The following EIF2A variants were observed in gnomAD, a reference collection of about 807,000 sequenced individuals.
EIF2A encodes 65 kDa eukaryotic translation initiation factor 2A.
A neutral mutation model predicts 75.2 loss-of-function variants in EIF2A; 62 were observed. That is an observed-to-expected ratio of 0.82 (90% CI 0.67 to 1.02). EIF2A has a LOEUF of 1.02. Ranked by LOEUF, EIF2A falls within the 50% of genes least tolerant of loss-of-function variation. The pLI is 0.00. For missense variants in EIF2A, 611 were observed against 677.7 expected, an observed-to-expected ratio of 0.90 and a Z score of 1.09; for synonymous variants, 207 against 239.0, an observed-to-expected ratio of 0.87 and a Z score of 1.23.
chr3:150,567,504 A>G (rs1214968068), intron 6 of EIF2A, 189 bp from the exon 7 acceptor site: 3 of 503,568 alleles, frequency 6.0e-6, no homozygotes, highest in Non-Finnish European at 3.5e-6. Flanking sequence ...ACTGAGTAGA[A>G]ATTGAAGCCT....
chr3:150,562,625 A>T lies in EIF2A; in HGVS notation c.257A>T (p.Lys86Ile), dbSNP rs1723950098. ...LKAVCLEFSP[K>I]NTVLATWQPY... ...GCAGTTTGCCTTGAATTCTCACCCA[A>T]AAATACTGTCCTGGCAACGTGGCAG... is the stretch of plus-strand genomic sequence containing the variant. The change falls in exon 4 of 14, where the codon AAA (lysine) becomes ATA (isoleucine). Residue 86 changes from lysine (K) to isoleucine (I), a missense_variant. Transcript: ENST00000460851. 7 of 1,613,480 alleles carry T rather than the reference A, an allele frequency of 4.3e-6. No homozygotes were observed. Among genetic ancestry groups the T allele is most frequent in the Non-Finnish European group, 5.9e-6 (7 of 1,179,612 alleles).
chr3:150,557,002 G>A (rs1723602853), intron 2 of EIF2A, among the ~76,000 whole-genome samples: 1 of 152,122 alleles, frequency 6.6e-6, no homozygotes. Flanking sequence ...AAGTCTTTGG[G>A]TTGCATGATG....
chr3:150,575,904 C>T (rs577740997), intron 11 of EIF2A, 142 bp downstream of exon 11: 13 of 636,400 alleles, frequency 2.0e-5, no homozygotes, highest in African/African-American at 7.6e-5. Flanking sequence ...GACTGGCCAA[C>T]GTGGTGAAAC....
At chr3:150,568,744 T>C (rs997064208) in intron 9 of EIF2A, among the ~76,000 whole-genome samples, 2 of 152,122 alleles carry the variant, frequency 1.3e-5, no homozygotes, top group African/African-American at 4.8e-5. Context: ...AGTGAGACCC[T>C]ACCTCTACAA....
intron 11 of EIF2A, among the ~76,000 whole-genome samples, chr3:150,580,321 G>A (rs1357028678): frequency 1.3e-5 from 2 of 152,064 alleles, no homozygotes; most frequent in Non-Finnish European, 2.9e-5. Context: ...AGATAGTACC[G>A]AACCCTATAG....
At position 150,556,053 on chromosome 3, in the gene EIF2A, T is replaced by C. The variant is rs370487159; in HGVS notation, c.99-2335T>C. Among the ~76,000 whole-genome samples, 47 of 152,310 alleles carry C rather than the reference T, an allele frequency of 3.1e-4. No individual in the cohort carries two copies. In the South Asian group the frequency reaches 9.5e-3, roughly 31 times the overall value. Reference sequence around the variant, plus strand: ...GAATCTGAGTGCCAGAGCTCCTCCATGTGCTGCCGCAGTGCATGGTGGAAG... The same window carrying C: ...GAATCTGAGTGCCAGAGCTCCTCCACGTGCTGCCGCAGTGCATGGTGGAAG... On this transcript the variant is annotated intron_variant, in intron 2 of 13. Transcript: ENST00000460851.
In EIF2A at chr3:150,585,899, A is replaced by T. The variant is rs140591420; in HGVS notation, c.*1988A>T. ...TTGGGCCATGTGAAGACATGGTGAG[A>T]AAGCAGCCAGCTGTAAGCCAGAGAG... On this transcript the variant is annotated 3_prime_UTR_variant, in exon 14 of 14. Transcript: ENST00000460851. Among the ~76,000 whole-genome samples the T allele has an allele frequency of 1.3e-5, 2 of 152,314 alleles. No individual in the cohort carries two copies. The highest frequency in any genetic ancestry group is 3.9e-4 in the East Asian group (2 of 5,180).
intron 1 of EIF2A, among the ~76,000 whole-genome samples, chr3:150,550,870 C>A (rs889875598): frequency 6.6e-6 from 1 of 151,868 alleles, no homozygotes; most frequent in Non-Finnish European, 1.5e-5. Context: ...GTTGCCCAGG[C>A]TGGTCTTGAA....
At chr3:150,552,278 T>A (rs1723354293) in intron 1 of EIF2A, 78 bp from the exon 2 acceptor site, 1 of 1,272,764 alleles carries the variant, frequency 7.9e-7, no homozygotes, top group Non-Finnish European at 1.1e-6. Context: ...CTAAAGCTGC[T>A]TTTTTAAAAA....
At chr3:150,571,609 TAAATAAATAAATAAAC>T (rs1395262291) in intron 9 of EIF2A, among the ~76,000 whole-genome samples, 2 of 152,096 alleles carry the variant, frequency 1.3e-5, no homozygotes, top group Non-Finnish European at 2.9e-5. Context: ...CCCATTTCTA[TAAATAAATAAATAAAC>T]AAATAAATAA....
chr3:150,557,607 C>A, intron 2 of EIF2A: 1 of 302,772 alleles, frequency 3.3e-6, no homozygotes, highest in Admixed American at 4.7e-5. Context: ...GCCATGTTGC[C>A]CAGCTGGTCT....
chr3:150,562,674 C>G lies in EIF2A; in HGVS notation c.292+14C>G. 6.3e-7 allele frequency: 1 copy of G among 1,592,682 alleles called. No homozygotes were observed. The highest frequency in any genetic ancestry group is 8.6e-7 in the Non-Finnish European group (1 of 1,163,676). ...AGCCTTACACTAGTAAGTATTTTCT[C>G]AGTGTAAAAATACTCTGACACGATC... On this transcript the variant is annotated intron_variant, in intron 4 of 13. Transcript: ENST00000460851.
chr3:150,564,324 A>C lies in EIF2A; in HGVS notation c.418A>C (p.Thr140Pro). 1 of 1,596,428 alleles carries C rather than the reference A, an allele frequency of 6.3e-7. No individual in the cohort carries two copies. Among genetic ancestry groups the C allele is most frequent in the African/African-American group, 1.4e-5 (1 of 73,832 alleles). The stretch of plus-strand genomic sequence containing the variant: ...GTGTCCATCCTGGTCAGAAGATGAA[A>C]CTCTTTGTGCCCGCAATGTTAACAA... ...NWCPSWSEDE[T>P]LCARNVNNEV... The change falls in exon 6 of 14, where the codon ACT (threonine) becomes CCT (proline). Residue 140 changes from threonine (T) to proline (P), a missense_variant. Thr to Pro is a conservative substitution (Grantham distance 38). Coordinates refer to ENST00000460851, the MANE Select transcript of EIF2A (RefSeq NM_032025.5).
chr3:150,548,547 G>A (rs1469940701), intron 1 of EIF2A, among the ~76,000 whole-genome samples: 1 of 152,138 alleles, frequency 6.6e-6, no homozygotes, highest in Non-Finnish European at 1.5e-5. Flanking sequence ...GGGCCGGACT[G>A]GTACTGGGCA....
chr3:150,551,567 CAA>C (rs11430778), intron 1 of EIF2A, among the ~76,000 whole-genome samples: 1 of 142,164 alleles, frequency 7.0e-6, no homozygotes. Context: ...TCTGTCTCTA[CAA>C]AAAAAAAAAA....
At chr3:150,573,293 T>C (rs987800232) in intron 10 of EIF2A, among the ~76,000 whole-genome samples, 1 of 152,152 alleles carries the variant, frequency 6.6e-6, no homozygotes, top group Non-Finnish European at 1.5e-5. Context: ...CACTCTGTCA[T>C]CGAGGCTGGA....
chr3:150,561,978 C>T (rs1001506455), intron 3 of EIF2A, among the ~76,000 whole-genome samples: 99 of 151,818 alleles, frequency 6.5e-4, no homozygotes, highest in African/African-American at 2.2e-3. Context: ...AGGCTGGTCT[C>T]GAACTCCCGA....
intron 11 of EIF2A, among the ~76,000 whole-genome samples, chr3:150,576,738 T>C (rs1000178655): frequency 6.6e-6 from 1 of 152,214 alleles, no homozygotes; most frequent in Non-Finnish European, 1.5e-5. Context: ...AGAAAGCCAT[T>C]TGGGCACTCA....
intron 11 of EIF2A, among the ~76,000 whole-genome samples, chr3:150,580,076 C>T (rs571750120): frequency 6.6e-6 from 1 of 152,136 alleles, no homozygotes; most frequent in East Asian, 1.9e-4. Context: ...GCTAGAGGCT[C>T]AGTTCTAATG....
Sources: allele counts gnomAD v4.1 joint callset (sites outside exome capture counted in the v4.1 genomes callset), GRCh38; gene constraint gnomAD v4.1.1; transcripts MANE v1.5; gene names NCBI Gene and HGNC (gene_info 2026-07-23, HGNC 2026-07-21).